MTUS2: variants seen among roughly 807,000 people sequenced by gnomAD.
The protein encoded by MTUS2 is microtubule-associated tumor suppressor candidate 2.
In MTUS2, 40 loss-of-function variants were observed where a neutral mutation model predicts 114.1. That is an observed-to-expected ratio of 0.35 (90% CI 0.27 to 0.46). MTUS2 has a LOEUF of 0.46. MTUS2 is among the 20% of genes least tolerant of loss of function. MTUS2 has a pLI of 1.00. For synonymous variants in MTUS2, 688 were observed against 672.0 expected, an observed-to-expected ratio of 1.02 and a Z score of -0.37; for missense variants, 1,679 against 1,705.4, an observed-to-expected ratio of 0.98 and a Z score of 0.27.
chr13:29,352,805 T>C (rs796739113), intron 7 of MTUS2, among the ~76,000 whole-genome samples: 2 of 152,348 alleles, frequency 1.3e-5, no homozygotes, highest in African/African-American at 4.8e-5. Flanking sequence ...AATGCTGCTA[T>C]GAAAATTTGT....
chr13:29,406,668 A>AT (rs1301251180), intron 8 of MTUS2, among the ~76,000 whole-genome samples: 1 of 152,246 alleles, frequency 6.6e-6, no homozygotes, highest in African/African-American at 2.4e-5. Flanking sequence ...AACAGGTGTA[A>AT]TATCAGAAGA....
At chr13:29,076,935 G>T (rs1889218881) in intron 4 of MTUS2, among the ~76,000 whole-genome samples, 1 of 151,988 alleles carries the variant, frequency 6.6e-6, no homozygotes, top group South Asian at 2.1e-4. Flanking sequence ...TCATTTGTTG[G>T]GTGTTTATTA....
At chr13:29,045,748 TG>T (rs1887585104) in intron 4 of MTUS2, among the ~76,000 whole-genome samples, 1 of 152,152 alleles carries the variant, frequency 6.6e-6, no homozygotes, top group South Asian at 2.1e-4. Flanking sequence ...TCAACTGAAA[TG>T]GTTAGTGCCT....
chr13:28,987,061 C>T (rs920229313), intron 2 of MTUS2, among the ~76,000 whole-genome samples: 2 of 152,152 alleles, frequency 1.3e-5, no homozygotes, highest in African/African-American at 4.8e-5. Flanking sequence ...GATGTTGGGG[C>T]TTAGGCTGAA....
chr13:29,173,242 A>G (rs1036487549), intron 5 of MTUS2, among the ~76,000 whole-genome samples: 1 of 152,192 alleles, frequency 6.6e-6, no homozygotes, highest in Non-Finnish European at 1.5e-5. Context: ...GTTCACAAAG[A>G]GAAATTGAGA....
rs1268939900 is a variant in MTUS2, at chr13:29,480,130, A to G, written c.3185-20A>G. 3.2e-6 allele frequency: 5 copies of G among 1,551,292 alleles called. No individual in the cohort carries two copies. The highest frequency in any genetic ancestry group is 2.4e-5 in the South Asian group (2 of 83,948). On this transcript the variant is annotated intron_variant, in intron 9 of 15. Coordinates refer to ENST00000612955, the MANE Select transcript of MTUS2 (RefSeq NM_001033602.4). This position sits in a 1 kb window ranked among gnomAD's most constrained non-coding sequence, Gnocchi z 4.4. ...TCCTACGGCCATTTTTTAAAGAAAGATCTTGTGCTTTGCGCCCAGCCTTCC... is the reference window on the plus strand; with the variant it reads ...TCCTACGGCCATTTTTTAAAGAAAGGTCTTGTGCTTTGCGCCCAGCCTTCC...
Position 28,823,733 on chromosome 13 carries a change from T to C in MTUS2, c.-316+3122T>C, listed in dbSNP as rs113164078. The stretch of plus-strand genomic sequence containing the variant: ...TATTAGCCTGTTCTCACCTTGCTGA[T>C]AAAGACATACCCAAGACTGGGTAAT... On this transcript the variant is annotated intron_variant, in intron 1 of 15. Coordinates refer to ENST00000612955, the MANE Select transcript of MTUS2 (RefSeq NM_001033602.4). 3.1e-3 allele frequency among the ~76,000 whole-genome samples: 478 copies of C among 152,308 alleles called. 2 individuals are homozygous for C. The highest frequency in any genetic ancestry group is 5.3e-3 in the Non-Finnish European group (360 of 68,032).
At chr13:29,171,512 G>A (rs1893561816) in intron 5 of MTUS2, among the ~76,000 whole-genome samples, 1 of 152,188 alleles carries the variant, frequency 6.6e-6, no homozygotes, top group Admixed American at 6.5e-5. Flanking sequence ...GAAAGATAAA[G>A]TAGACCTATT....
intron 2 of MTUS2, among the ~76,000 whole-genome samples, chr13:28,950,351 G>A (rs1344300468): frequency 2.0e-5 from 3 of 152,156 alleles, no homozygotes; most frequent in African/African-American, 7.2e-5. Context: ...GGTATTAATC[G>A]TTTGTCAGAT....
chr13:28,925,994 G>A (rs1269845580), intron 2 of MTUS2, among the ~76,000 whole-genome samples: 13 of 152,144 alleles, frequency 8.5e-5, no homozygotes, highest in African/African-American at 1.7e-4. Context: ...AATGCTGTAC[G>A]CTTATATTTA....
At chr13:28,991,542 G>C (rs1884855058) in intron 2 of MTUS2, among the ~76,000 whole-genome samples, 1 of 151,900 alleles carries the variant, frequency 6.6e-6, no homozygotes, top group African/African-American at 2.4e-5. Context: ...CTAATTTTTT[G>C]TATTTTTAGT....
intron 8 of MTUS2, 86 bp from the exon 9 acceptor site, chr13:29,439,897 T>G (rs1877702269): frequency 4.8e-6 from 5 of 1,038,106 alleles, no homozygotes; most frequent in Non-Finnish European, 7.3e-6. Context: ...AAATATTTGC[T>G]TAATACGATT....
chr13:29,388,968 C>T (rs577988840), intron 8 of MTUS2, among the ~76,000 whole-genome samples: 26 of 152,016 alleles, frequency 1.7e-4, no homozygotes, highest in African/African-American at 4.8e-4. Flanking sequence ...AGCAGTATTT[C>T]CTAATGGAAC....
chr13:29,389,030 C>A (rs773174065), intron 8 of MTUS2, among the ~76,000 whole-genome samples: 62 of 152,120 alleles, frequency 4.1e-4, no homozygotes, highest in Non-Finnish European at 8.2e-4. Context: ...TTCCTCATAG[C>A]AGTGATAATC....
chr13:29,013,097 G>T (rs1010546121), intron 2 of MTUS2, among the ~76,000 whole-genome samples: 2 of 152,220 alleles, frequency 1.3e-5, no homozygotes, highest in East Asian at 1.9e-4. Flanking sequence ...TGAGGTGCCA[G>T]TTGAAATGCC....
chr13:29,363,568 G>T (rs1485005847), intron 8 of MTUS2, among the ~76,000 whole-genome samples: 1 of 152,030 alleles, frequency 6.6e-6, no homozygotes, highest in Admixed American at 6.6e-5. Context: ...ATTTAATATA[G>T]AATAGTGGAA....
intron 5 of MTUS2, among the ~76,000 whole-genome samples, chr13:29,241,464 G>A (rs1310778057): frequency 3.3e-5 from 5 of 151,966 alleles, no homozygotes; most frequent in Admixed American, 6.6e-5. Context: ...CTAGCACAAC[G>A]CCAGCACACT....
At chr13:29,249,518 G>A (rs1042169692) in intron 5 of MTUS2, among the ~76,000 whole-genome samples, 2 of 152,182 alleles carry the variant, frequency 1.3e-5, no homozygotes, top group African/African-American at 4.8e-5. Context: ...GGCATGAGAT[G>A]GTATCTCATT....
At chr13:28,882,382 G>A (rs61166297) in intron 2 of MTUS2, among the ~76,000 whole-genome samples, 13,134 of 152,116 alleles carry the variant, frequency 0.086, 1,838 homozygotes, top group African/African-American at 0.3. Context: ...AGACCTAAAT[G>A]TAAGACAATG....
Sources: allele counts gnomAD v4.1 joint callset (sites outside exome capture counted in the v4.1 genomes callset), GRCh38; gene constraint gnomAD v4.1.1; non-coding constraint Gnocchi (gnomAD v3.1); transcripts MANE v1.5; gene names NCBI Gene and HGNC (gene_info 2026-07-23, HGNC 2026-07-21).